KIF13A: variants seen among roughly 807,000 people sequenced by gnomAD.
KIF13A encodes kinesin-like protein KIF13A.
A neutral mutation model predicts 212.2 loss-of-function variants in KIF13A; 79 were observed. The ratio of observed to expected loss-of-function variants is 0.37; its 90% CI spans 0.31 to 0.45. The LOEUF is 0.45. KIF13A is among the 20% of genes least tolerant of loss of function. The pLI, the probability that KIF13A is intolerant of heterozygous loss-of-function variation, is 1.00. For synonymous variants in KIF13A, 789 were observed against 808.6 expected (o/e 0.98, Z 0.41); for missense variants, 1,901 against 2,209.0 (o/e 0.86, Z 2.79).
intron 3 of KIF13A, among the ~76,000 whole-genome samples, chr6:17,880,489 GT>G (rs1770958627): frequency 6.6e-6 from 1 of 151,796 alleles, no homozygotes; most frequent in Non-Finnish European, 1.5e-5. Context: ...TTAGCCAAGC[GT>G]GGAGGCACGC....
chr6:17,836,187 T>C (rs1765933184), intron 11 of KIF13A, among the ~76,000 whole-genome samples: 1 of 152,218 alleles, frequency 6.6e-6, no homozygotes, highest in Admixed American at 6.5e-5. Context: ...GGGCCTGATA[T>C]AAATGGAAAA....
intron 4 of KIF13A, among the ~76,000 whole-genome samples, chr6:17,866,826 CGCATATAT>C (rs1199678099): frequency 0.011 from 1,345 of 121,900 alleles, 65 homozygotes; most frequent in Non-Finnish European, 0.013. Context: ...AAAAAAGCAG[CGCATATAT>C]ATATATATAT....
intron 2 of KIF13A, among the ~76,000 whole-genome samples, chr6:17,972,833 G>GAAAAAAAAAAAA (rs34095609): frequency 8.8e-6 from 1 of 113,332 alleles, no homozygotes; most frequent in African/African-American, 3.3e-5. Flanking sequence ...GAGAGAGTGA[G>GAAAAAAAAAAAA]AAAAAAAAAA....
chr6:17,781,952 A>G (rs1233413028), intron 29 of KIF13A, among the ~76,000 whole-genome samples: 2 of 151,348 alleles, frequency 1.3e-5, no homozygotes, highest in Non-Finnish European at 3.0e-5. Flanking sequence ...TTTTGTTTTT[A>G]TTGAGATGGA....
intron 4 of KIF13A, among the ~76,000 whole-genome samples, chr6:17,868,181 C>G (rs1021648954): frequency 6.6e-6 from 1 of 152,212 alleles, no homozygotes; most frequent in African/African-American, 2.4e-5. Context: ...ATGTTCACAT[C>G]CACACTGACC....
Position 17,771,149 on chromosome 6 carries a change from G to A in KIF13A, c.4546C>T (p.Pro1516Ser). Residue 1516 changes from proline to serine, a missense_variant, in exon 38 of 39, where the codon CCA becomes TCA. Transcript: ENST00000259711. This position sits in a 1 kb window ranked among gnomAD's most constrained non-coding sequence, Gnocchi z 5.4. ...VPSGSNGSSM[P>S]VEHNSKREKK... ...TCACGTTTGCTATTGTGTTCTACTG[G>A]CATGCTGCTGCCATTGCTTCCTGAG... 1 of 1,612,896 alleles carries A rather than the reference G, an allele frequency of 6.2e-7. No homozygotes were observed. Among genetic ancestry groups the A allele is most frequent in the Non-Finnish European group, 8.5e-7 (1 of 1,179,262 alleles).
At chr6:17,774,236 T>C (rs138249858) in intron 35 of KIF13A, among the ~76,000 whole-genome samples, 135 of 152,328 alleles carry the variant, frequency 8.9e-4, no homozygotes, top group Admixed American at 3.7e-3. Flanking sequence ...GTCTCTAGCA[T>C]AGTAACTCAT....
rs138633237 is a variant in KIF13A at position 17,768,492 on chromosome 6, G to C, written c.4581+2622C>G. On this transcript the variant is annotated intron_variant, in intron 38 of 38. Transcript: ENST00000259711. This position sits in a 1 kb window ranked among gnomAD's most constrained non-coding sequence, Gnocchi z 5.4. ...GTCGTGCTGTTCACCAGAGATCTCT[G>C]TTTGCAGAACTGCACCAGCCAAGGG... 3.1e-3 allele frequency among the ~76,000 whole-genome samples: 473 copies of C among 152,288 alleles called. 3 individuals are homozygous for C. Among genetic ancestry groups the C allele is most frequent in the African/African-American group, 0.011 (443 of 41,548 alleles).
chr6:17,849,555 T>C lies in KIF13A; in HGVS notation c.718-66A>G. ...TAAAAACCACATGGATATCTACATA[T>C]ATGTTAGCACTATAATTGAGCAATC... is the stretch of plus-strand genomic sequence containing the variant. On this transcript the variant is annotated intron_variant, in intron 8 of 38. Coordinates refer to ENST00000259711, the MANE Select transcript of KIF13A (RefSeq NM_022113.6). This position sits in a 1 kb window ranked among gnomAD's most constrained non-coding sequence, Gnocchi z 5.7. The C allele has an allele frequency of 1.8e-6, 2 of 1,131,948 alleles. No homozygotes were observed. The highest frequency in any genetic ancestry group is 1.4e-5 in the South Asian group (1 of 74,062). 70.1% of individuals were successfully genotyped at this position (1,131,948 alleles called of 1,614,324 possible).
At chr6:17,935,111 G>A (rs781124993) in intron 2 of KIF13A, among the ~76,000 whole-genome samples, 5 of 152,154 alleles carry the variant, frequency 3.3e-5, no homozygotes, top group South Asian at 2.1e-4. Flanking sequence ...TACCTGGGGA[G>A]GGGGAGGAAT....
chr6:17,827,691 T>C (rs1000936981), intron 14 of KIF13A, among the ~76,000 whole-genome samples: 5 of 151,942 alleles, frequency 3.3e-5, no homozygotes, highest in Admixed American at 6.6e-5. Context: ...CTAATTTTCT[T>C]ATTTATTTTC....
intron 9 of KIF13A, among the ~76,000 whole-genome samples, chr6:17,841,725 C>G (rs936561510): frequency 6.6e-6 from 1 of 152,134 alleles, no homozygotes; most frequent in Non-Finnish European, 1.5e-5. Context: ...CTATTACCAT[C>G]CCCTTGGAAC....
chr6:17,830,095 C>A (rs1322325560), intron 13 of KIF13A, among the ~76,000 whole-genome samples: 1 of 152,130 alleles, frequency 6.6e-6, no homozygotes, highest in African/African-American at 2.4e-5. Flanking sequence ...TTATGTCAGT[C>A]ACAGTGTCCT....
rs1287524572 is a variant in KIF13A, at chr6:17,919,923, T to A, written c.147-21743A>T. On this transcript the variant is annotated intron_variant, in intron 2 of 38. Coordinates refer to ENST00000259711, the MANE Select transcript of KIF13A (RefSeq NM_022113.6). This position sits in a 1 kb window ranked among gnomAD's most constrained non-coding sequence, Gnocchi z 4.1. ...AGCTCCAGTGATCTGAAAAATTAAC[T>A]TCTATTAAAATACTCATGGAAGGGA... Among the ~76,000 whole-genome samples, 6 of 152,210 alleles carry A rather than the reference T, an allele frequency of 3.9e-5. No individual in the cohort carries two copies. Among genetic ancestry groups the A allele is most frequent in the Admixed American group, 3.9e-4 (6 of 15,286 alleles).
chr6:17,781,631 T>G (rs1439170062), intron 29 of KIF13A, among the ~76,000 whole-genome samples: 1 of 147,772 alleles, frequency 6.8e-6, no homozygotes, highest in South Asian at 2.2e-4. Context: ...GGGTTTTTTT[T>G]TTTTTTTTTT....
At chr6:17,815,650 G>A (rs1156304278) in intron 17 of KIF13A, 2 of 425,382 alleles carry the variant, frequency 4.7e-6, no homozygotes, top group Admixed American at 4.8e-5. Flanking sequence ...GTAGAACAAA[G>A]ATTATTATAA....
At chr6:17,933,113 T>C (rs148080861) in intron 2 of KIF13A, among the ~76,000 whole-genome samples, 68 of 152,228 alleles carry the variant, frequency 4.5e-4, no homozygotes, top group African/African-American at 1.6e-3. Flanking sequence ...CTGGGCCCAG[T>C]TTCTCTTCTA....
chr6:17,881,062 G>A (rs922001751), intron 3 of KIF13A, among the ~76,000 whole-genome samples: 2 of 152,178 alleles, frequency 1.3e-5, no homozygotes, highest in Non-Finnish European at 2.9e-5. Context: ...AAGCATAGAT[G>A]TTTTGTAGTC....
rs545898944 is a variant in KIF13A at position 17,967,348 on chromosome 6, T to C, written c.146+19706A>G. Among the ~76,000 whole-genome samples, 10 of 152,186 alleles carry C rather than the reference T, an allele frequency of 6.6e-5. No individual in the cohort carries two copies. Among genetic ancestry groups the C allele is most frequent in the Non-Finnish European group, 1.3e-4 (9 of 68,022 alleles). Reference sequence around the variant, plus strand: ...AAAATGCATCACAATGTTAAAAGAATGAGTAAACTGTATTTTACCTCTAAT... The same window carrying C: ...AAAATGCATCACAATGTTAAAAGAACGAGTAAACTGTATTTTACCTCTAAT... On this transcript the variant is annotated intron_variant, in intron 2 of 38. Transcript: ENST00000259711. The surrounding 1 kb of genome is among the most constrained non-coding windows in gnomAD (Gnocchi z 4.1).
Sources: allele counts gnomAD v4.1 joint callset (sites outside exome capture counted in the v4.1 genomes callset), GRCh38; gene constraint gnomAD v4.1.1; non-coding constraint Gnocchi (gnomAD v3.1); transcripts MANE v1.5; gene names NCBI Gene and HGNC (gene_info 2026-07-23, HGNC 2026-07-21).